Variants in DMD observed in about 807,000 individuals in gnomAD.
DMD encodes the protein mutant dystrophin.
In DMD, 63 loss-of-function variants were observed where a neutral mutation model predicts 330.1. The ratio of observed to expected loss-of-function variants is 0.19; its 90% CI spans 0.16 to 0.24. The LOEUF is 0.24. Among genes scored for constraint, DMD ranks in the 10% least tolerant of loss-of-function variants. DMD has a pLI of 1.00. For synonymous variants in DMD, 1,223 were observed against 959.8 expected (o/e 1.27, Z -5.07); for missense variants, 3,344 against 2,684.1 (o/e 1.25, Z -5.43).
rs746785875 is a variant in DMD, at chrX:31,705,919, G to A, written c.7660+23712C>T. 1.7e-4 allele frequency among the ~76,000 whole-genome samples: 19 copies of A among 111,586 alleles called. No individual in the cohort carries two copies. In the Admixed American group the frequency reaches 1.8e-3, roughly 11 times the overall value. On this transcript the variant is annotated intron_variant, in intron 52 of 78. Transcript: ENST00000357033. ...CAAAGCCTTGGGAATGGTCTGAAGAGGCAGATCAAATGCATGAAATTGAAA... is the reference window on the plus strand; with the variant it reads ...CAAAGCCTTGGGAATGGTCTGAAGAAGCAGATCAAATGCATGAAATTGAAA...
intron 55 of DMD, among the ~76,000 whole-genome samples, chrX:31,562,343 C>CTGA (rs1333104393): frequency 1.8e-5 from 2 of 112,149 alleles, no homozygotes; most frequent in Non-Finnish European, 3.8e-5. Context: ...AATGGAGTGA[C>CTGA]TGATCAAAAG....
chrX:31,844,614 A>G (rs2093379266), intron 48 of DMD, among the ~76,000 whole-genome samples: 1 of 111,774 alleles, frequency 8.9e-6, no homozygotes, highest in Non-Finnish European at 1.9e-5. Flanking sequence ...GATTGCTTTA[A>G]GCAGTATGTC....
chrX:32,077,905 CT>C (rs2096365025), intron 44 of DMD, among the ~76,000 whole-genome samples: 1 of 111,246 alleles, frequency 9.0e-6, no homozygotes, highest in African/African-American at 3.3e-5. Context: ...CTTGATTCCC[CT>C]CCTAATTCTT....
intron 37 of DMD, among the ~76,000 whole-genome samples, chrX:32,359,074 C>A (rs1302441548): frequency 9.0e-6 from 1 of 111,439 alleles, no homozygotes; most frequent in African/African-American, 3.3e-5. Flanking sequence ...CAAAGCAGGT[C>A]TTGTGTCTTG....
In DMD at chrX:32,441,255, T is replaced by C; in HGVS notation, c.3846A>G (p.Leu1282=). 1 of 1,209,081 alleles carries C rather than the reference T, an allele frequency of 8.3e-7. No individual in the cohort carries two copies. Among genetic ancestry groups the C allele is most frequent in the Non-Finnish European group, 1.1e-6 (1 of 893,240 alleles). The change falls in exon 28 of 79, where the codon CTA becomes CTG. Residue 1282 remains leucine (L), a synonymous_variant. Transcript: ENST00000357033. ...LSYLEKANKW[L]NEVEFKLKTT... ...TTTTAAGTTTAAATTCTACTTCATT[T>C]AGCCACTTGTTTGCTTTCTCCAAGT... is the stretch of plus-strand genomic sequence containing the variant.
intron 45 of DMD, among the ~76,000 whole-genome samples, chrX:31,967,745 G>T (rs778281048): frequency 2.7e-5 from 3 of 111,514 alleles, no homozygotes; most frequent in Non-Finnish European, 5.7e-5. Context: ...GCAGCAGCAC[G>T]CATTTGGCTT....
At chrX:31,834,462 G>A (rs369931185) in intron 49 of DMD, among the ~76,000 whole-genome samples, 39 of 111,497 alleles carry the variant, frequency 3.5e-4, no homozygotes, top group African/African-American at 1.2e-3. Context: ...ATTTTGAGAC[G>A]GAGTTTCGCT....
chrX:32,809,586 C>A lies in DMD; in HGVS notation c.556G>T (p.Val186Leu). Residue 186 changes from valine (V) to leucine (L), a missense_variant, in exon 7 of 79, where the codon GTG becomes TTG. Val to Leu is a conservative substitution (Grantham distance 32). Coordinates refer to ENST00000357033, the MANE Select transcript of DMD (RefSeq NM_004006.3). Reference protein sequence around the residue: ...HRPDLFDWNSVVCQQSATQRL... With the variant: ...HRPDLFDWNSLVCQQSATQRL... ...TGTGTGGCTGACTGCTGGCAAACCACACTATTCCAGTCAAATAGGTCTGGC... is the reference window on the plus strand; with the variant it reads ...TGTGTGGCTGACTGCTGGCAAACCAAACTATTCCAGTCAAATAGGTCTGGC... 2 of 1,210,836 alleles carry A rather than the reference C, an allele frequency of 1.7e-6. No individual in the cohort carries two copies. Among genetic ancestry groups the A allele is most frequent in the Non-Finnish European group, 2.2e-6 (2 of 895,075 alleles).
chrX:31,818,351 T>C (rs1034575359), intron 50 of DMD, among the ~76,000 whole-genome samples: 2 of 112,142 alleles, frequency 1.8e-5, no homozygotes, highest in Non-Finnish European at 3.8e-5. Flanking sequence ...GGATGAATTA[T>C]ATATGTTGCT....
intron 42 of DMD, among the ~76,000 whole-genome samples, chrX:32,306,930 A>AT (rs746420806): frequency 9.0e-6 from 1 of 111,299 alleles, no homozygotes; most frequent in Non-Finnish European, 1.9e-5. Flanking sequence ...CTATGTTCTT[A>AT]TTTTTGTCCT....
Position 32,720,839 on chromosome X carries a change from A to G in DMD, c.650-21546T>C, listed in dbSNP as rs778819628. On this transcript the variant is annotated intron_variant, in intron 7 of 78. Transcript: ENST00000357033. ...GAAACTCTAAATTTATTTATCCCAC[A>G]TAACTGCAAGTTTCCATGTACACAT... Among the ~76,000 whole-genome samples, 4 of 111,580 alleles carry G rather than the reference A, an allele frequency of 3.6e-5. No homozygotes were observed. In the South Asian group the frequency reaches 1.1e-3, roughly 31 times the overall value.
chrX:33,123,160 C>A (rs1173866311), intron 1 of DMD, among the ~76,000 whole-genome samples: 1 of 111,926 alleles, frequency 8.9e-6, no homozygotes, highest in Non-Finnish European at 1.9e-5. Context: ...ATAGGATATA[C>A]CATACAACCT....
In DMD at chrX:32,838,037, T is replaced by TTG. The variant is rs2148940558; in HGVS notation, c.264+6744_264+6745dup. Among the ~76,000 whole-genome samples, 3 of 112,168 alleles carry TTG rather than the reference T, an allele frequency of 2.7e-5. No individual in the cohort carries two copies. The South Asian group carries it at 1.1e-3, about 42-fold the overall frequency. ...AAATCACTATTAAACCTACAGTTAT[T>TTG]TGTACTCTCAATCTTTTGCTGTTAA... is the stretch of plus-strand genomic sequence containing the variant. On this transcript the variant is annotated intron_variant, in intron 4 of 78. Transcript: ENST00000357033.
chrX:33,079,787 C>G (rs751793074), intron 1 of DMD, among the ~76,000 whole-genome samples: 6 of 111,423 alleles, frequency 5.4e-5, no homozygotes, highest in African/African-American at 2.0e-4. Context: ...TTGACCAAAA[C>G]GATAACTCCA....
chrX:33,158,905 C>T (rs935698642), intron 1 of DMD, among the ~76,000 whole-genome samples: 53 of 111,981 alleles, frequency 4.7e-4, no homozygotes, highest in African/African-American at 1.7e-3. Flanking sequence ...TATGGTATAT[C>T]CTTTGAGTGA....
intron 74 of DMD, among the ~76,000 whole-genome samples, chrX:31,155,587 C>T (rs1269259661): frequency 8.9e-6 from 1 of 111,931 alleles, no homozygotes; most frequent in East Asian, 2.8e-4. Flanking sequence ...ACTATTACAG[C>T]AGCTATAAAT....
intron 47 of DMD, among the ~76,000 whole-genome samples, chrX:31,883,191 T>C (rs952774226): frequency 2.7e-5 from 3 of 111,724 alleles, no homozygotes; most frequent in African/African-American, 9.8e-5. Flanking sequence ...AAAAATAATG[T>C]TGAGCAGGAC....
chrX:32,852,257 C>T (rs991130616), intron 2 of DMD, among the ~76,000 whole-genome samples: 6 of 111,627 alleles, frequency 5.4e-5, no homozygotes, highest in East Asian at 2.8e-4. Context: ...CAGGCCCTGG[C>T]TCCTGAGTGA....
intron 7 of DMD, among the ~76,000 whole-genome samples, chrX:32,725,307 T>G (rs891790023): frequency 2.7e-5 from 3 of 111,098 alleles, no homozygotes; most frequent in African/African-American, 9.8e-5. Context: ...TTATGAAATT[T>G]TATCTATAAT....
Sources: gnomAD v4.1 joint callset for allele counts (sites outside exome capture counted in the v4.1 genomes callset) on GRCh38, gnomAD v4.1.1 for gene constraint, MANE v1.5 for transcripts, NCBI Gene and HGNC (gene_info 2026-07-23, HGNC 2026-07-21) for gene names.